The following KTN1 variants were observed in gnomAD, a reference collection of about 807,000 sequenced individuals.
KTN1 encodes the protein kinectin.
Under a neutral mutation model 222.5 loss-of-function variants are expected in KTN1, and 130 were observed. The ratio of observed to expected loss-of-function variants is 0.58; its 90% CI spans 0.51 to 0.68. KTN1 has a LOEUF of 0.68. Ranked by LOEUF, KTN1 falls within the 30% of genes least tolerant of loss-of-function variation. KTN1 has a pLI of 0.00. For synonymous variants in KTN1, 512 were observed against 496.3 expected, an observed-to-expected ratio of 1.03 and a Z score of -0.42; for missense variants, 1,508 against 1,500.4, an observed-to-expected ratio of 1.01 and a Z score of -0.08.
chr14:55,611,418 C>T (rs887299927), intron 1 of KTN1, among the ~76,000 whole-genome samples: 1 of 151,962 alleles, frequency 6.6e-6, no homozygotes, highest in Non-Finnish European at 1.5e-5. Flanking sequence ...TATTTTAATG[C>T]AAAATGCCAC....
At chr14:55,618,963 G>A (rs1276127963) in intron 4 of KTN1, among the ~76,000 whole-genome samples, 1 of 152,046 alleles carries the variant, frequency 6.6e-6, no homozygotes. Context: ...TGCAGTTTGA[G>A]CAAACTTTTA....
At chr14:55,602,657 C>A (rs768525241) in intron 1 of KTN1, among the ~76,000 whole-genome samples, 12 of 151,228 alleles carry the variant, frequency 7.9e-5, no homozygotes, top group Non-Finnish European at 1.3e-4. Context: ...TCATGGCTTA[C>A]TATAGCCTTG....
Position 55,680,655 on chromosome 14 carries a change from G to A in KTN1, c.4069+970G>A, listed in dbSNP as rs573155475. On this transcript the variant is annotated intron_variant, in intron 43 of 43. Transcript: ENST00000395314. ...AAAAGTTGGGATGGACTTCCATTTT[G>A]ATCTTACAGGAGCGTTTTGTCTCAC... is the stretch of plus-strand genomic sequence containing the variant. The A allele has an allele frequency of 4.5e-6, 6 of 1,327,698 alleles. No individual in the cohort carries two copies. The African/African-American group carries it at 7.5e-5, about 17-fold the overall frequency. The allele number at this position is 1,327,698 out of a possible 1,614,324, so 82.2% of individuals were successfully genotyped here.
In KTN1 at chr14:55,684,474, G is replaced by T. The variant is rs1424332444; in HGVS notation, c.*371G>T. On this transcript the variant is annotated 3_prime_UTR_variant, in exon 44 of 44. Coordinates refer to ENST00000395314, the MANE Select transcript of KTN1 (RefSeq NM_001079521.2). ...TGTACACTGTTTTACTTAACATTTT[G>T]GGAAGTAACTGCCTCTGACTTCAAC... The T allele has an allele frequency of 4.4e-6, 1 of 228,284 alleles. No individual in the cohort carries two copies. The highest frequency in any genetic ancestry group is 8.6e-6 in the Non-Finnish European group (1 of 115,728). The allele number at this position is 228,284 out of a possible 1,614,324, so 14.1% of individuals were successfully genotyped here.
chr14:55,614,431 G>T (rs8007183), intron 2 of KTN1, among the ~76,000 whole-genome samples: 1 of 151,902 alleles, frequency 6.6e-6, no homozygotes, highest in African/African-American at 2.4e-5. Flanking sequence ...ACTATATAGA[G>T]GTGTGGCAGA....
At chr14:55,642,051 C>CCTTA (rs1429600832) in intron 18 of KTN1, among the ~76,000 whole-genome samples, 1 of 152,132 alleles carries the variant, frequency 6.6e-6, no homozygotes, top group Admixed American at 6.5e-5. Context: ...AAATGTCCTG[C>CCTTA]CTTAGACTTG....
intron 1 of KTN1, among the ~76,000 whole-genome samples, chr14:55,594,222 A>G (rs1364709786): frequency 6.6e-6 from 1 of 152,084 alleles, no homozygotes; most frequent in Non-Finnish European, 1.5e-5. Context: ...TTTGAATCCC[A>G]GCTTATGTAT....
intron 25 of KTN1, among the ~76,000 whole-genome samples, chr14:55,652,634 T>C (rs955456547): frequency 5.2e-4 from 79 of 152,234 alleles, no homozygotes; most frequent in Middle Eastern, 3.4e-3. Flanking sequence ...CTCCTGACCT[T>C]GTGATCCGCC....
At chr14:55,615,272 A>C (rs745993225) in intron 2 of KTN1, among the ~76,000 whole-genome samples, 8 of 152,106 alleles carry the variant, frequency 5.3e-5, no homozygotes, top group Non-Finnish European at 1.0e-4. Context: ...TTCTTATATA[A>C]TCATCACCAC....
At chr14:55,581,759 G>C (rs550951621) in intron 1 of KTN1, among the ~76,000 whole-genome samples, 18 of 145,788 alleles carry the variant, frequency 1.2e-4, no homozygotes, top group African/African-American at 5.1e-4. Context: ...GGTGAGACTT[G>C]GGATAATGAT....
intron 5 of KTN1, among the ~76,000 whole-genome samples, chr14:55,621,479 T>C (rs115363524): frequency 6.2e-4 from 95 of 152,330 alleles, no homozygotes; most frequent in African/African-American, 2.1e-3. Context: ...CACAGTTTCA[T>C]GTGGCTGGCC....
chr14:55,613,954 T>A (rs1328755584), intron 2 of KTN1, among the ~76,000 whole-genome samples: 3 of 152,174 alleles, frequency 2.0e-5, no homozygotes, highest in Non-Finnish European at 4.4e-5. Context: ...GCTGAAAGGC[T>A]TTACAGGGGA....
At chr14:55,593,187 G>C (rs1309574533) in intron 1 of KTN1, among the ~76,000 whole-genome samples, 1 of 151,940 alleles carries the variant, frequency 6.6e-6, no homozygotes, top group Non-Finnish European at 1.5e-5. Context: ...TTGCTACTTA[G>C]AAAACCTCTA....
intron 1 of KTN1, among the ~76,000 whole-genome samples, chr14:55,588,500 G>A (rs1233950265): frequency 6.6e-6 from 1 of 152,158 alleles, no homozygotes; most frequent in Non-Finnish European, 1.5e-5. Context: ...TGAAAAATAT[G>A]CGAGAACTAT....
chr14:55,656,180 G>A (rs751572657), intron 29 of KTN1, 48 bp downstream of exon 29: 1 of 1,305,808 alleles, frequency 7.7e-7, no homozygotes, highest in Non-Finnish European at 1.1e-6. Context: ...TATTGTCTTT[G>A]CATGCTTTAA....
chr14:55,646,971 A>G lies in KTN1; in HGVS notation c.2173-2A>G. Reference sequence around the variant, plus strand: ...AACTTTTTTTGGTGATTTTTATTTTAGCCTAATAAGGATGTTGTGGAACAA... The same window carrying G: ...AACTTTTTTTGGTGATTTTTATTTTGGCCTAATAAGGATGTTGTGGAACAA... On this transcript the variant is annotated splice_acceptor_variant, in intron 18 of 43. Coordinates refer to ENST00000395314, the MANE Select transcript of KTN1 (RefSeq NM_001079521.2). LOFTEE classifies it high-confidence loss of function. The G allele has an allele frequency of 6.6e-7, 1 of 1,524,416 alleles. No individual in the cohort carries two copies. The highest frequency in any genetic ancestry group is 9.1e-7 in the Non-Finnish European group (1 of 1,102,566). 94.4% of individuals were successfully genotyped at this position (1,524,416 alleles called of 1,614,324 possible). A position where few individuals can be genotyped will look rare whatever the true frequency, so the allele number is the denominator to read the frequency against.
intron 5 of KTN1, among the ~76,000 whole-genome samples, chr14:55,622,404 A>C (rs2039277792): frequency 6.6e-6 from 1 of 152,222 alleles, no homozygotes; most frequent in Non-Finnish European, 1.5e-5. Flanking sequence ...TGTTTTAAAA[A>C]AATTGTAAAA....
chr14:55,648,320 T>C (rs2042600107), intron 20 of KTN1, among the ~76,000 whole-genome samples: 1 of 152,230 alleles, frequency 6.6e-6, no homozygotes, highest in Non-Finnish European at 1.5e-5. Context: ...GTAGATACTA[T>C]TGTTATAGTT....
rs2045544127 is a variant in KTN1 at position 55,672,595 on chromosome 14, G to T, written c.3532-35G>T. On this transcript the variant is annotated intron_variant, in intron 37 of 43. Coordinates refer to ENST00000395314, the MANE Select transcript of KTN1 (RefSeq NM_001079521.2). ...GATAGAAACTGCTATATCCTTGGTG[G>T]TTTTACTTGGCCATGTAATTGTTTC... 8.1e-6 allele frequency: 11 copies of T among 1,364,402 alleles called. No homozygotes were observed. The East Asian group carries it at 2.5e-4, about 31-fold the overall frequency. The allele number at this position is 1,364,402 out of a possible 1,614,324, so 84.5% of individuals were successfully genotyped here.
Sources: allele counts gnomAD v4.1 joint callset (sites outside exome capture counted in the v4.1 genomes callset), GRCh38; gene constraint gnomAD v4.1.1; transcripts MANE v1.5; gene names NCBI Gene and HGNC (gene_info 2026-07-23, HGNC 2026-07-21).